CCDC148: variants seen among roughly 807,000 people sequenced by gnomAD.
CCDC148 encodes the protein coiled-coil domain containing 148.
Under a neutral mutation model 85.7 loss-of-function variants are expected in CCDC148, and 89 were observed. The ratio of observed to expected loss-of-function variants is 1.04; its 90% CI spans 0.87 to 1.24. The LOEUF (loss-of-function observed/expected upper bound fraction) is 1.24, where lower values mean the gene tolerates loss of function less well. Ranked by LOEUF, CCDC148 falls within the 50% of genes most tolerant of loss-of-function variation. The pLI, the probability that CCDC148 is intolerant of heterozygous loss-of-function variation, is 0.00. For missense variants in CCDC148, 692 were observed against 671.7 expected (o/e 1.03, Z -0.33); for synonymous variants, 230 against 213.9 (o/e 1.08, Z -0.66).
At chr2:158,192,737 C>T (rs1212140579) in intron 11 of CCDC148, among the ~76,000 whole-genome samples, 2 of 151,718 alleles carry the variant, frequency 1.3e-5, no homozygotes, top group African/African-American at 2.4e-5. Context: ...TGACCCCAAA[C>T]AGTAAACCCA....
chr2:158,392,476 T>A (rs1052207968), intron 1 of CCDC148, among the ~76,000 whole-genome samples: 1 of 152,080 alleles, frequency 6.6e-6, no homozygotes, highest in Non-Finnish European at 1.5e-5. Flanking sequence ...TTCAAAAAAA[T>A]GTCCACTGGA....
intron 1 of CCDC148, among the ~76,000 whole-genome samples, chr2:158,398,337 C>G (rs989040295): frequency 1.3e-5 from 2 of 152,116 alleles, no homozygotes; most frequent in African/African-American, 4.8e-5. Context: ...CTTCTCAGCA[C>G]CACATCACAC....
In CCDC148 at chr2:158,178,966, C is replaced by T; in HGVS notation, c.1401G>A (p.Arg467=). ...RVKYRQELLE[R]RLMEKKEVAL... The stretch of plus-strand genomic sequence containing the variant: ...CCACTTCCTTTTTCTCCATCAAACG[C>T]CTTTCCAATAATTCTTGTCTATATT... The change falls in exon 12 of 14, where the codon AGG becomes AGA. Residue 467 remains arginine (R), a synonymous_variant. Coordinates refer to ENST00000283233, the MANE Select transcript of CCDC148 (RefSeq NM_138803.4). 1 of 1,613,284 alleles carries T rather than the reference C, an allele frequency of 6.2e-7. No individual in the cohort carries two copies. Among genetic ancestry groups the T allele is most frequent in the African/African-American group, 1.3e-5 (1 of 74,968 alleles).
intron 9 of CCDC148, among the ~76,000 whole-genome samples, chr2:158,277,214 G>T (rs1210063367): frequency 1.3e-5 from 2 of 152,128 alleles, no homozygotes; most frequent in African/African-American, 4.8e-5. Flanking sequence ...CACAACTCGA[G>T]GGGATGATAA....
chr2:158,224,762 T>C (rs1011080218), intron 10 of CCDC148, among the ~76,000 whole-genome samples: 3 of 152,164 alleles, frequency 2.0e-5, no homozygotes, highest in African/African-American at 7.2e-5. Context: ...CTGAGAGATT[T>C]TGTCACCACC....
At chr2:158,304,751 C>T (rs1361347726) in intron 9 of CCDC148, among the ~76,000 whole-genome samples, 1 of 152,042 alleles carries the variant, frequency 6.6e-6, no homozygotes, top group Non-Finnish European at 1.5e-5. Flanking sequence ...GAGCAGAGGT[C>T]ACAAGGCAAT....
At chr2:158,257,643 T>C (rs1324571698) in intron 9 of CCDC148, among the ~76,000 whole-genome samples, 2 of 151,844 alleles carry the variant, frequency 1.3e-5, no homozygotes, top group Non-Finnish European at 2.9e-5. Context: ...CATAAGTTCA[T>C]TTTTTTATCA....
chr2:158,442,772 T>C (rs1177379240), intron 1 of CCDC148, among the ~76,000 whole-genome samples: 1 of 152,240 alleles, frequency 6.6e-6, no homozygotes, highest in Non-Finnish European at 1.5e-5. Flanking sequence ...AATTACTATG[T>C]GCCAGACACT....
intron 1 of CCDC148, among the ~76,000 whole-genome samples, chr2:158,396,747 G>A (rs1685538717): frequency 6.6e-6 from 1 of 152,012 alleles, no homozygotes; most frequent in African/African-American, 2.4e-5. Context: ...ATACTTTGTT[G>A]TAAAAAGGGG....
intron 3 of CCDC148, among the ~76,000 whole-genome samples, chr2:158,343,936 C>T (rs1443220191): frequency 6.6e-6 from 1 of 152,082 alleles, no homozygotes; most frequent in Non-Finnish European, 1.5e-5. Context: ...TTGTGTCATT[C>T]CAGGTCAGCC....
chr2:158,180,674 T>G (rs1052184288), intron 11 of CCDC148, among the ~76,000 whole-genome samples: 2 of 152,080 alleles, frequency 1.3e-5, no homozygotes, highest in African/African-American at 4.8e-5. Flanking sequence ...CCCAGGCAAG[T>G]ACTGGTGGCT....
rs1338953926 is a variant in CCDC148, at chr2:158,339,866, A to G, written c.486+376T>C. ...TAGCAGATGTGATTGAAGAAGCAAAAAGGGGGCTATAGGTGGATAGAAGGA... is the reference window on the plus strand; with the variant it reads ...TAGCAGATGTGATTGAAGAAGCAAAGAGGGGGCTATAGGTGGATAGAAGGA... On this transcript the variant is annotated intron_variant, in intron 5 of 13. Coordinates refer to ENST00000283233, the MANE Select transcript of CCDC148 (RefSeq NM_138803.4). Among the ~76,000 whole-genome samples the G allele has an allele frequency of 3.9e-5, 6 of 152,262 alleles. No homozygotes were observed. The East Asian group carries it at 1.2e-3, about 29-fold the overall frequency.
At chr2:158,382,262 T>C (rs1684902931) in intron 1 of CCDC148, among the ~76,000 whole-genome samples, 1 of 152,152 alleles carries the variant, frequency 6.6e-6, no homozygotes, top group Admixed American at 6.5e-5. Flanking sequence ...TTTGTTATAG[T>C]AGCTAAAATG....
chr2:158,405,990 G>T (rs1175718658), intron 1 of CCDC148, among the ~76,000 whole-genome samples: 1 of 152,068 alleles, frequency 6.6e-6, no homozygotes, highest in Non-Finnish European at 1.5e-5. Flanking sequence ...GTAGTTTCTG[G>T]ATGGAAGAGC....
chr2:158,422,912 A>G (rs1450679057), intron 1 of CCDC148, among the ~76,000 whole-genome samples: 1 of 151,946 alleles, frequency 6.6e-6, no homozygotes, highest in Non-Finnish European at 1.5e-5. Flanking sequence ...CAATGTGCAA[A>G]AATCACAAGC....
intron 11 of CCDC148, among the ~76,000 whole-genome samples, chr2:158,207,829 T>C (rs895988813): frequency 1.3e-5 from 2 of 152,158 alleles, no homozygotes; most frequent in Non-Finnish European, 2.9e-5. Context: ...TCAGTCAAGA[T>C]GCTGGCTGAA....
intron 10 of CCDC148, among the ~76,000 whole-genome samples, chr2:158,231,272 A>C (rs1687845210): frequency 6.6e-6 from 1 of 152,148 alleles, no homozygotes; most frequent in Non-Finnish European, 1.5e-5. Flanking sequence ...GAATGACTTA[A>C]TTTCCCTCTT....
chr2:158,405,042 C>T (rs1685940477), intron 1 of CCDC148, among the ~76,000 whole-genome samples: 1 of 152,058 alleles, frequency 6.6e-6, no homozygotes, highest in Non-Finnish European at 1.5e-5. Context: ...AGAATTTTTA[C>T]ACATCACCTG....
intron 2 of CCDC148, 39 bp downstream of exon 2, chr2:158,358,410 T>C (rs1227783724): frequency 6.3e-7 from 1 of 1,583,260 alleles, no homozygotes; most frequent in Admixed American, 1.9e-5. Flanking sequence ...AATTCGATTT[T>C]CTAAAACTAG....
Sources: gnomAD v4.1 joint callset for allele counts (sites outside exome capture counted in the v4.1 genomes callset) on GRCh38, gnomAD v4.1.1 for gene constraint, MANE v1.5 for transcripts, NCBI Gene and HGNC (gene_info 2026-07-23, HGNC 2026-07-21) for gene names.